The following AGBL4 variants were observed in gnomAD, a reference collection of about 807,000 sequenced individuals.
AGBL4 encodes AGBL carboxypeptidase 4.
Under a neutral mutation model 66.4 loss-of-function variants are expected in AGBL4, and 58 were observed. The observed-to-expected ratio is 0.87, with a 90% CI of 0.71 to 1.09. The LOEUF (loss-of-function observed/expected upper bound fraction) is 1.09. Ranked by LOEUF, AGBL4 falls within the 50% of genes least tolerant of loss-of-function variation. The pLI, the probability that AGBL4 is intolerant of heterozygous loss-of-function variation, is 0.00. For missense variants in AGBL4, 579 were observed against 631.0 expected, an observed-to-expected ratio of 0.92 and a Z score of 0.88; for synonymous variants, 234 against 222.9, an observed-to-expected ratio of 1.05 and a Z score of -0.44.
chr1:49,921,326 A>G (rs1185245001), intron 1 of AGBL4, among the ~76,000 whole-genome samples: 3 of 152,234 alleles, frequency 2.0e-5, no homozygotes, highest in Admixed American at 6.5e-5. Context: ...AATTGTCTTC[A>G]ATATCCTAAA....
intron 3 of AGBL4, among the ~76,000 whole-genome samples, chr1:49,644,973 T>G (rs965828333): frequency 1.3e-5 from 2 of 151,510 alleles, no homozygotes; most frequent in Admixed American, 6.6e-5. Context: ...AATAGAAAAA[T>G]ATAAGTAAAA....
At chr1:49,971,112 G>T (rs1224393462) in intron 1 of AGBL4, among the ~76,000 whole-genome samples, 1 of 152,094 alleles carries the variant, frequency 6.6e-6, no homozygotes, top group Admixed American at 6.6e-5. Flanking sequence ...TTTATCTGTG[G>T]TTTTACTTTT....
At chr1:48,926,333 G>T (rs1183952774) in intron 5 of AGBL4, among the ~76,000 whole-genome samples, 2 of 150,568 alleles carry the variant, frequency 1.3e-5, no homozygotes, top group Non-Finnish European at 2.9e-5. Flanking sequence ...ATGCTGGAGT[G>T]CAGTGGCATG....
chr1:49,205,511 C>T (rs1260037865), intron 4 of AGBL4, among the ~76,000 whole-genome samples: 1 of 151,932 alleles, frequency 6.6e-6, no homozygotes, highest in Non-Finnish European at 1.5e-5. Context: ...ACCCCTGGAC[C>T]CTGGGTTGGT....
chr1:49,134,599 C>A (rs1212659714), intron 4 of AGBL4, among the ~76,000 whole-genome samples: 1 of 151,044 alleles, frequency 6.6e-6, no homozygotes, highest in Non-Finnish European at 1.5e-5. Flanking sequence ...AGAAATATGG[C>A]TCTGTCCTGC....
At chr1:48,586,139 C>G (rs778107967) in intron 11 of AGBL4, 5 of 152,168 alleles carry the variant, frequency 3.3e-5, no homozygotes, top group Non-Finnish European at 7.3e-5. Flanking sequence ...ATGCAGTGAC[C>G]TTGATATTAA....
At position 48,952,949 on chromosome 1, in the gene AGBL4, C is replaced by T. The variant is rs139862828; in HGVS notation, c.595-85719G>A. ...CAATTCTTCTCCTTCCAATGTGGCCCAGGAAGCCAAAATACTGAACATTCC... is the reference window on the plus strand; with the variant it reads ...CAATTCTTCTCCTTCCAATGTGGCCTAGGAAGCCAAAATACTGAACATTCC... On this transcript the variant is annotated intron_variant, in intron 5 of 13. Transcript: ENST00000371839. Among the ~76,000 whole-genome samples the T allele has an allele frequency of 4.5e-4, 68 of 152,156 alleles. 1 individual carries two copies. The South Asian group carries it at 9.5e-3, about 21-fold the overall frequency.
intron 3 of AGBL4, among the ~76,000 whole-genome samples, chr1:49,247,022 G>A (rs1651699397): frequency 6.6e-6 from 1 of 151,996 alleles, no homozygotes; most frequent in Non-Finnish European, 1.5e-5. Flanking sequence ...TTTAATAAAT[G>A]TAGACACTAT....
At chr1:49,967,754 T>G (rs1657688374) in intron 1 of AGBL4, among the ~76,000 whole-genome samples, 1 of 152,198 alleles carries the variant, frequency 6.6e-6, no homozygotes, top group African/African-American at 2.4e-5. Context: ...TGTATTTCAT[T>G]TTTGCTAACT....
chr1:49,068,867 T>C (rs950878010), intron 4 of AGBL4, among the ~76,000 whole-genome samples: 3 of 152,202 alleles, frequency 2.0e-5, no homozygotes, highest in African/African-American at 4.8e-5. Flanking sequence ...AGTGTTCCTA[T>C]TTCTCTACAT....
intron 3 of AGBL4, among the ~76,000 whole-genome samples, chr1:49,463,399 C>A (rs1386837031): frequency 2.6e-5 from 4 of 151,636 alleles, no homozygotes; most frequent in African/African-American, 9.7e-5. Flanking sequence ...AAATTTATGA[C>A]CGACCACATT....
At chr1:48,827,995 T>TACACAC (rs375257744) in intron 6 of AGBL4, among the ~76,000 whole-genome samples, 9,670 of 116,866 alleles carry the variant, frequency 0.083, 635 homozygotes, top group East Asian at 0.25. Flanking sequence ...CTACTAAAAA[T>TACACAC]ACACACACAC....
chr1:49,905,584 G>C (rs1487903439), intron 1 of AGBL4, among the ~76,000 whole-genome samples: 1 of 152,092 alleles, frequency 6.6e-6, no homozygotes, highest in African/African-American at 2.4e-5. Flanking sequence ...AATTTTATTA[G>C]GAATGAAAGG....
At chr1:49,329,857 C>T (rs1306683872) in intron 3 of AGBL4, among the ~76,000 whole-genome samples, 2 of 152,146 alleles carry the variant, frequency 1.3e-5, no homozygotes, top group East Asian at 3.9e-4. Flanking sequence ...TCACACTCTG[C>T]ATCTACATAA....
intron 3 of AGBL4, among the ~76,000 whole-genome samples, chr1:49,446,686 A>G (rs1646164303): frequency 6.6e-6 from 1 of 152,150 alleles, no homozygotes; most frequent in South Asian, 2.1e-4. Flanking sequence ...AGTGATTCAC[A>G]TGGATGTCCT....
At chr1:48,735,199 C>T (rs1648826038) in intron 6 of AGBL4, among the ~76,000 whole-genome samples, 1 of 152,040 alleles carries the variant, frequency 6.6e-6, no homozygotes, top group African/African-American at 2.4e-5. Context: ...TTAGCAACTA[C>T]TTTATTCTCT....
At chr1:49,864,020 A>C (rs1382558005) in intron 1 of AGBL4, among the ~76,000 whole-genome samples, 2 of 152,222 alleles carry the variant, frequency 1.3e-5, no homozygotes, top group Non-Finnish European at 2.9e-5. Context: ...AGTGTTCACC[A>C]GCAGATGAAT....
chr1:49,428,897 T>C (rs1182036398), intron 3 of AGBL4, among the ~76,000 whole-genome samples: 7 of 152,222 alleles, frequency 4.6e-5, no homozygotes, highest in Admixed American at 4.6e-4. Context: ...ATCACCTGGA[T>C]ATTTGTATTT....
At chr1:49,656,186 C>A (rs1304762172) in intron 3 of AGBL4, among the ~76,000 whole-genome samples, 1 of 151,918 alleles carries the variant, frequency 6.6e-6, no homozygotes, top group East Asian at 1.9e-4. Context: ...CACCACCAAT[C>A]CCACAGAAAT....
Sources: gnomAD v4.1 joint callset for allele counts (sites outside exome capture counted in the v4.1 genomes callset) on GRCh38, gnomAD v4.1.1 for gene constraint, MANE v1.5 for transcripts, NCBI Gene and HGNC (gene_info 2026-07-23, HGNC 2026-07-21) for gene names.